Variants in CAMTA1 observed in about 807,000 individuals in gnomAD.
CAMTA1 encodes calmodulin binding transcription activator 1, also known as calmodulin-binding transcription activator 1.
Under a neutral mutation model 170.9 loss-of-function variants are expected in CAMTA1, and 27 were observed. That is an observed-to-expected ratio of 0.16 (90% confidence interval 0.12 to 0.22). The LOEUF (loss-of-function observed/expected upper bound fraction) is 0.22. Ranked by LOEUF, CAMTA1 falls within the 10% of genes least tolerant of loss-of-function variation. The probability of loss-of-function intolerance (pLI) is 1.00; values close to 1 mark genes in which losing one functional copy is unlikely to be tolerated. For missense variants in CAMTA1, 1,619 were observed against 2,217.2 expected, an observed-to-expected ratio of 0.73 and a Z score of 5.42; for synonymous variants, 833 against 891.5, an observed-to-expected ratio of 0.93 and a Z score of 1.17.
intron 5 of CAMTA1, among the ~76,000 whole-genome samples, chr1:7,279,104 G>A (rs947100930): frequency 5.9e-5 from 9 of 152,158 alleles, no homozygotes; most frequent in African/African-American, 1.9e-4. Flanking sequence ...TACTTAGAGC[G>A]CAGAGCCTGA....
At chr1:7,107,818 C>A (rs1246330191) in intron 4 of CAMTA1, among the ~76,000 whole-genome samples, 1 of 152,144 alleles carries the variant, frequency 6.6e-6, no homozygotes, top group Admixed American at 6.5e-5. Flanking sequence ...GGACTCCAGC[C>A]CATGTCTGTC....
At chr1:7,209,224 G>T (rs766087227) in intron 4 of CAMTA1, among the ~76,000 whole-genome samples, 1 of 152,176 alleles carries the variant, frequency 6.6e-6, no homozygotes, top group South Asian at 2.1e-4. Context: ...TCAACCTGCC[G>T]CTGGTGTGAG....
chr1:7,475,135 T>A (rs1283855136), intron 6 of CAMTA1, among the ~76,000 whole-genome samples: 4 of 152,248 alleles, frequency 2.6e-5, no homozygotes, highest in Non-Finnish European at 2.9e-5. Flanking sequence ...TCTTCTTTTT[T>A]AAAAATCTTT....
chr1:7,526,836 C>G (rs1392003600), intron 6 of CAMTA1, among the ~76,000 whole-genome samples: 2 of 152,158 alleles, frequency 1.3e-5, no homozygotes, highest in Admixed American at 6.5e-5. Flanking sequence ...GGCTGGGTGA[C>G]CACCCCTCCA....
intron 7 of CAMTA1, among the ~76,000 whole-genome samples, chr1:7,654,700 TACAC>T (rs1269950449): frequency 2.3e-5 from 3 of 131,256 alleles, no homozygotes; most frequent in South Asian, 5.2e-4. Flanking sequence ...AACACCCCTA[TACAC>T]ACAAACACAC....
intron 4 of CAMTA1, among the ~76,000 whole-genome samples, chr1:7,205,053 C>G (rs1329836507): frequency 6.6e-6 from 1 of 151,732 alleles, no homozygotes; most frequent in African/African-American, 2.4e-5. Context: ...ATGGTCTCGA[C>G]TTCCTGACCT....
At chr1:7,523,842 C>T (rs2094397345) in intron 6 of CAMTA1, among the ~76,000 whole-genome samples, 1 of 151,006 alleles carries the variant, frequency 6.6e-6, no homozygotes, top group Non-Finnish European at 1.5e-5. Context: ...AAGATCGCAC[C>T]ACTGCACTCC....
In CAMTA1 at chr1:7,144,760, G is replaced by A. The variant is rs1264829291; in HGVS notation, c.302+53389G>A. Among the ~76,000 whole-genome samples the A allele has an allele frequency of 6.6e-6, 1 of 152,166 alleles. No homozygotes were observed. Among genetic ancestry groups the A allele is most frequent in the Non-Finnish European group, 1.5e-5 (1 of 68,022 alleles). ...GCATCCCAAACTAGTATTGATTGAC[G>A]TCATTTTGGCTAATGGGTCTTCTCC... is the stretch of plus-strand genomic sequence containing the variant. On this transcript the variant is annotated intron_variant, in intron 4 of 22. Coordinates refer to ENST00000303635, the MANE Select transcript of CAMTA1 (RefSeq NM_015215.4). The surrounding 1 kb of genome is among the most constrained non-coding windows in gnomAD (Gnocchi z 4.0).
Position 7,641,761 on chromosome 1 carries a change from C to G in CAMTA1, c.664+1208C>G, listed in dbSNP as rs1383835723. On this transcript the variant is annotated intron_variant, in intron 7 of 22. Transcript: ENST00000303635. This position sits in a 1 kb window ranked among gnomAD's most constrained non-coding sequence, Gnocchi z 4.5. The stretch of plus-strand genomic sequence containing the variant: ...AAGTACCCCGTGGGGAGGTTTGGAC[C>G]AGGCTTGCCTCAGTGCTTCTGCCTG... Among the ~76,000 whole-genome samples the G allele has an allele frequency of 1.3e-5, 2 of 152,124 alleles. No homozygotes were observed. The highest frequency in any genetic ancestry group is 2.9e-5 in the Non-Finnish European group (2 of 68,000).
At chr1:7,062,797 C>A (rs991105678) in intron 3 of CAMTA1, among the ~76,000 whole-genome samples, 2 of 152,234 alleles carry the variant, frequency 1.3e-5, no homozygotes, top group South Asian at 2.1e-4. Context: ...GGGCTCCAGG[C>A]GGATCCTTCC....
intron 3 of CAMTA1, among the ~76,000 whole-genome samples, chr1:7,048,291 G>A (rs1173341187): frequency 6.6e-6 from 1 of 152,018 alleles, no homozygotes; most frequent in South Asian, 2.1e-4. Context: ...GGAAAAAAGG[G>A]GAAAAAGAGT....
At chr1:7,119,732 C>T (rs938693615) in intron 4 of CAMTA1, among the ~76,000 whole-genome samples, 1 of 152,152 alleles carries the variant, frequency 6.6e-6, no homozygotes, top group Admixed American at 6.5e-5. Flanking sequence ...AACAATACAA[C>T]AGTAACAAAG....
intron 5 of CAMTA1, among the ~76,000 whole-genome samples, chr1:7,374,361 T>C (rs569144200): frequency 6.6e-6 from 1 of 152,306 alleles, no homozygotes; most frequent in African/African-American, 2.4e-5. Flanking sequence ...AGCTTCAAAC[T>C]GGAAATGGAA....
chr1:7,041,838 G>A lies in CAMTA1; in HGVS notation c.235-49466G>A, dbSNP rs115817903. ...CTAGACTATCTCGATACCTTGGGAG[G>A]ATCTGTCATTAGTGTTTGGGGATTT... On this transcript the variant is annotated intron_variant, in intron 3 of 22. Coordinates refer to ENST00000303635, the MANE Select transcript of CAMTA1 (RefSeq NM_015215.4). This position sits in a 1 kb window ranked among gnomAD's most constrained non-coding sequence, Gnocchi z 5.1. Among the ~76,000 whole-genome samples, 1,055 of 152,260 alleles carry A rather than the reference G, an allele frequency of 6.9e-3. 7 individuals are homozygous for A. Among genetic ancestry groups the A allele is most frequent in the Middle Eastern group, 0.01 (3 of 294 alleles).
intron 4 of CAMTA1, among the ~76,000 whole-genome samples, chr1:7,109,654 A>G (rs373319714): frequency 6.6e-6 from 1 of 152,192 alleles, no homozygotes; most frequent in East Asian, 1.9e-4. Flanking sequence ...TCCCTGTGCA[A>G]TCTGCAAAGA....
At chr1:7,020,679 G>A (rs1701213434) in intron 3 of CAMTA1, among the ~76,000 whole-genome samples, 1 of 152,212 alleles carries the variant, frequency 6.6e-6, no homozygotes, top group African/African-American at 2.4e-5. Flanking sequence ...AGTGCTGGGG[G>A]CAGAGGGGGC....
At chr1:7,744,295 C>A (rs549032226) in intron 16 of CAMTA1, among the ~76,000 whole-genome samples, 1 of 151,884 alleles carries the variant, frequency 6.6e-6, no homozygotes, top group Non-Finnish European at 1.5e-5. Context: ...CCATACCTGG[C>A]TAATTTTTGT....
At chr1:6,852,108 C>A (rs1309384668) in intron 3 of CAMTA1, among the ~76,000 whole-genome samples, 2 of 151,430 alleles carry the variant, frequency 1.3e-5, no homozygotes, top group Non-Finnish European at 2.9e-5. Context: ...TGTAATAGTG[C>A]ATCCTTCTCA....
At position 7,635,525 on chromosome 1, in the gene CAMTA1, C is replaced by T. The variant is rs541039701; in HGVS notation, c.511-4875C>T. On this transcript the variant is annotated intron_variant, in intron 6 of 22. Coordinates refer to ENST00000303635, the MANE Select transcript of CAMTA1 (RefSeq NM_015215.4). This position sits in a 1 kb window ranked among gnomAD's most constrained non-coding sequence, Gnocchi z 4.4. The stretch of plus-strand genomic sequence containing the variant: ...TCCAGAGGCTGAGGCAGGAGAATGG[C>T]GTGAACCCGGGAGGCGGAGGTTGCA... Among the ~76,000 whole-genome samples, 2 of 150,810 alleles carry T rather than the reference C, an allele frequency of 1.3e-5. No individual in the cohort carries two copies. Among genetic ancestry groups the T allele is most frequent in the Admixed American group, 6.6e-5 (1 of 15,082 alleles).
Sources: gnomAD v4.1 joint callset for allele counts (sites outside exome capture counted in the v4.1 genomes callset) on GRCh38, gnomAD v4.1.1 for gene constraint, Gnocchi (gnomAD v3.1) non-coding constraint, MANE v1.5 for transcripts, NCBI Gene and HGNC (gene_info 2026-07-23, HGNC 2026-07-21) for gene names.